The following NCKAP5 variants were observed in gnomAD, a reference collection of about 807,000 sequenced individuals.
NCKAP5 encodes the protein nck-associated protein 5.
NCKAP5 carries 92 observed loss-of-function variants against 167.0 expected under a neutral mutation model. The ratio of observed to expected loss-of-function variants is 0.55; its 90% confidence interval spans 0.47 to 0.66. The LOEUF (loss-of-function observed/expected upper bound fraction) is 0.66. NCKAP5 is among the 30% of genes least tolerant of loss of function. The pLI is 0.00. For synonymous variants in NCKAP5, 891 were observed against 877.4 expected (o/e 1.02, Z -0.27); for missense variants, 2,378 against 2,315.0 (o/e 1.03, Z -0.56).
At chr2:132,724,280 C>G (rs548604890) in intron 19 of NCKAP5, among the ~76,000 whole-genome samples, 1 of 152,158 alleles carries the variant, frequency 6.6e-6, no homozygotes, top group Admixed American at 6.5e-5. Flanking sequence ...CTCCCATGAA[C>G]GAACTATATA....
At chr2:133,592,005 CACTT>C in the NCKAP5 span, among the ~76,000 whole-genome samples, 2 of 152,060 alleles carry the variant, frequency 1.3e-5, no homozygotes, top group Non-Finnish European at 2.9e-5. Flanking sequence ...AAAGGTCAAT[CACTT>C]ACACACAAAT....
intron 4 of NCKAP5, among the ~76,000 whole-genome samples, chr2:133,255,042 C>A (rs377727757): frequency 1.3e-5 from 2 of 151,904 alleles, no homozygotes; most frequent in Admixed American, 6.6e-5. Flanking sequence ...AAAAAGTTTT[C>A]TTTTATAAAA....
At chr2:133,193,523 A>G (rs944087148) in intron 5 of NCKAP5, among the ~76,000 whole-genome samples, 2 of 152,132 alleles carry the variant, frequency 1.3e-5, no homozygotes, top group African/African-American at 2.4e-5. Flanking sequence ...TTGCAAGAAG[A>G]CACTTTCACT....
intron 6 of NCKAP5, among the ~76,000 whole-genome samples, chr2:133,089,274 T>A (rs1187323694): frequency 6.6e-6 from 1 of 152,166 alleles, no homozygotes; most frequent in African/African-American, 2.4e-5. Context: ...AAAACATGAA[T>A]GGGAATGTGA....
intron 3 of NCKAP5, among the ~76,000 whole-genome samples, chr2:133,453,399 A>G (rs1691665996): frequency 6.6e-6 from 1 of 152,166 alleles, no homozygotes; most frequent in Non-Finnish European, 1.5e-5. Context: ...CACTTAAAAT[A>G]ATCTGATAAA....
chr2:133,616,445 T>C, the NCKAP5 span, among the ~76,000 whole-genome samples: 156 of 150,894 alleles, frequency 1.0e-3, 1 homozygote, highest in African/African-American at 3.2e-3. Flanking sequence ...ATCAAATAGA[T>C]GCAATAAAAA....
intron 3 of NCKAP5, among the ~76,000 whole-genome samples, chr2:133,469,698 C>T (rs1011874879): frequency 3.9e-5 from 6 of 151,904 alleles, no homozygotes; most frequent in African/African-American, 7.3e-5. Flanking sequence ...TTCTTGGAGG[C>T]TTTGCTCATT....
At chr2:133,183,368 T>A (rs2150044505) in intron 5 of NCKAP5, among the ~76,000 whole-genome samples, 1 of 152,022 alleles carries the variant, frequency 6.6e-6, no homozygotes, top group Non-Finnish European at 1.5e-5. Flanking sequence ...ACCAGCACAC[T>A]AAGAAACAGA....
At chr2:132,879,241 G>A (rs541776416) in intron 8 of NCKAP5, among the ~76,000 whole-genome samples, 4 of 152,312 alleles carry the variant, frequency 2.6e-5, no homozygotes, top group Admixed American at 6.5e-5. Context: ...ATGTAAATGG[G>A]AGAAATGCCT....
intron 6 of NCKAP5, among the ~76,000 whole-genome samples, chr2:133,033,947 A>C (rs1035097060): frequency 3.3e-5 from 5 of 152,172 alleles, no homozygotes; most frequent in African/African-American, 1.2e-4. Context: ...AGGAGTAGAA[A>C]GTTTATTCAA....
chr2:133,211,789 G>T (rs561156996), intron 5 of NCKAP5, among the ~76,000 whole-genome samples: 30 of 152,214 alleles, frequency 2.0e-4, no homozygotes, highest in African/African-American at 7.2e-4. Flanking sequence ...TGAAACATTC[G>T]TAACTTTTCC....
chr2:132,686,759 T>C (rs1436059712), intron 19 of NCKAP5, among the ~76,000 whole-genome samples: 1 of 152,068 alleles, frequency 6.6e-6, no homozygotes, highest in Non-Finnish European at 1.5e-5. Context: ...TCCTGAAGGG[T>C]AGTTAATGTC....
chr2:133,606,645 C>T, the NCKAP5 span, among the ~76,000 whole-genome samples: 6 of 150,026 alleles, frequency 4.0e-5, no homozygotes, highest in Non-Finnish European at 7.4e-5. Flanking sequence ...AGGGCCTACA[C>T]CTCCAAAATT....
chr2:132,862,255 A>G (rs574677232), intron 10 of NCKAP5, among the ~76,000 whole-genome samples: 1 of 152,220 alleles, frequency 6.6e-6, no homozygotes, highest in Non-Finnish European at 1.5e-5. Context: ...ATGAGCATGC[A>G]TCATCTTATC....
intron 5 of NCKAP5, among the ~76,000 whole-genome samples, chr2:133,193,275 G>A (rs1159461258): frequency 6.6e-6 from 1 of 152,042 alleles, no homozygotes; most frequent in African/African-American, 2.4e-5. Flanking sequence ...AATGGTTGTG[G>A]CTATGAAAGC....
intron 8 of NCKAP5, among the ~76,000 whole-genome samples, chr2:132,929,402 A>G (rs111426739): frequency 1.8e-3 from 271 of 152,312 alleles, no homozygotes; most frequent in African/African-American, 5.8e-3. Context: ...CTTTATGCAG[A>G]TGTGATTGGC....
chr2:133,477,021 T>C (rs1200812838), intron 3 of NCKAP5, among the ~76,000 whole-genome samples: 1 of 152,182 alleles, frequency 6.6e-6, no homozygotes, highest in African/African-American at 2.4e-5. Context: ...AACAACCTTT[T>C]CTCACACATC....
chr2:133,200,781 G>A (rs1170893321), intron 5 of NCKAP5, among the ~76,000 whole-genome samples: 2 of 151,990 alleles, frequency 1.3e-5, no homozygotes, highest in African/African-American at 4.8e-5. Context: ...TTTGTAATAC[G>A]CCACACTGCA....
At chr2:133,215,343 T>C (rs928609364) in intron 4 of NCKAP5, among the ~76,000 whole-genome samples, 2 of 152,318 alleles carry the variant, frequency 1.3e-5, no homozygotes, top group African/African-American at 2.4e-5. Flanking sequence ...ATTAAACACA[T>C]GAATTTATCT....
Sources: gnomAD v4.1 joint callset for allele counts (sites outside exome capture counted in the v4.1 genomes callset) on GRCh38, gnomAD v4.1.1 for gene constraint, MANE v1.5 for transcripts, NCBI Gene and HGNC (gene_info 2026-07-23, HGNC 2026-07-21) for gene names.